The following ZNF704 variants were observed in gnomAD, a reference collection of about 807,000 sequenced individuals.
ZNF704 encodes the protein zinc finger protein 704.
A neutral mutation model predicts 44.7 loss-of-function variants in ZNF704; 10 were observed. That is an observed-to-expected ratio of 0.22 (90% CI 0.14 to 0.38). ZNF704 has a LOEUF of 0.38. Among genes scored for constraint, ZNF704 ranks in the 10% least tolerant of loss-of-function variants. The pLI, the probability that ZNF704 is intolerant of heterozygous loss-of-function variation, is 1.00. For synonymous variants in ZNF704, 211 were observed against 207.6 expected, an observed-to-expected ratio of 1.02 and a Z score of -0.14; for missense variants, 390 against 545.5, an observed-to-expected ratio of 0.71 and a Z score of 2.84.
chr8:80,763,432 A>G, intron 2 of ZNF704, among the ~76,000 whole-genome samples: 1 of 152,188 alleles, frequency 6.6e-6, no homozygotes, highest in East Asian at 1.9e-4. Flanking sequence ...GAAGCTGCCA[A>G]GGCTTGGGGC....
At chr8:80,864,949 G>T (rs368071976) in intron 1 of ZNF704, among the ~76,000 whole-genome samples, 1 of 152,134 alleles carries the variant, frequency 6.6e-6, no homozygotes, top group Non-Finnish European at 1.5e-5. Flanking sequence ...TAAGAGATAG[G>T]ATGTCTCTGT....
chr8:80,677,156 G>T (rs1818381740), intron 4 of ZNF704, among the ~76,000 whole-genome samples: 1 of 152,168 alleles, frequency 6.6e-6, no homozygotes, highest in Non-Finnish European at 1.5e-5. Context: ...GAATATAATA[G>T]TAATTATTGT....
At chr8:80,774,499 T>C (rs1459568870) in intron 2 of ZNF704, among the ~76,000 whole-genome samples, 1 of 152,096 alleles carries the variant, frequency 6.6e-6, no homozygotes, top group Non-Finnish European at 1.5e-5. Context: ...ACAGCTGAGG[T>C]GTGCAGCACT....
At chr8:80,644,468 T>C (rs1005448758) in intron 7 of ZNF704, among the ~76,000 whole-genome samples, 2 of 152,170 alleles carry the variant, frequency 1.3e-5, no homozygotes, top group Admixed American at 6.5e-5. Context: ...TTTTAGATTA[T>C]AAAAACTTCC....
rs1328979519 is a variant in ZNF704, at chr8:80,874,104, C to T, written c.-22+467G>A. ...CCGGAGAGTTTGTCACCTCCTCTTCCTCCTCTGCCTCCGCCGGTGGCCGCA... is the reference window on the plus strand; with the variant it reads ...CCGGAGAGTTTGTCACCTCCTCTTCTTCCTCTGCCTCCGCCGGTGGCCGCA... On this transcript the variant is annotated intron_variant, in intron 1 of 8. Transcript: ENST00000327835. The surrounding 1 kb of genome is among the most constrained non-coding windows in gnomAD (Gnocchi z 4.4). Among the ~76,000 whole-genome samples the T allele has an allele frequency of 6.8e-6, 1 of 147,014 alleles. No individual in the cohort carries two copies. Among genetic ancestry groups the T allele is most frequent in the African/African-American group, 2.4e-5 (1 of 40,942 alleles).
intron 2 of ZNF704, among the ~76,000 whole-genome samples, chr8:80,760,880 C>T (rs183604152): frequency 9.2e-5 from 14 of 152,012 alleles, no homozygotes; most frequent in Admixed American, 2.6e-4. Context: ...AGCAAGAGAG[C>T]GAGCAGGGAA....
In ZNF704 at chr8:80,631,816, A is replaced by ATAGCCAC. The variant is rs1817590999; in HGVS notation, c.*9543_*9549dup. 6.6e-6 allele frequency: 1 copy of ATAGCCAC among 152,256 alleles called. No homozygotes were observed. The highest frequency in any genetic ancestry group is 1.5e-5 in the Non-Finnish European group (1 of 68,062). The allele number at this position is 152,256 out of a possible 1,614,324, so 9.4% of individuals were successfully genotyped here. On this transcript the variant is annotated 3_prime_UTR_variant, in exon 9 of 9. Coordinates refer to ENST00000327835, the MANE Select transcript of ZNF704 (RefSeq NM_001033723.3). ...GGAATATTTCCCCCGAAGGGAGGGA[A>ATAGCCAC]TAGCCACACTGACTGAGCCTTACAT...
chr8:80,774,147 T>TCGATCTCC (rs1420152962), intron 2 of ZNF704, among the ~76,000 whole-genome samples: 4 of 151,908 alleles, frequency 2.6e-5, no homozygotes, highest in Non-Finnish European at 4.4e-5. Flanking sequence ...CCTCGATCTC[T>TCGATCTCC]CGATCTCCCA....
intron 2 of ZNF704, among the ~76,000 whole-genome samples, chr8:80,772,694 A>G (rs1440621302): frequency 6.6e-6 from 1 of 152,128 alleles, no homozygotes; most frequent in African/African-American, 2.4e-5. Context: ...GGGGACACAG[A>G]GCCAAATCCT....
At chr8:80,869,386 C>T (rs118110906) in intron 1 of ZNF704, among the ~76,000 whole-genome samples, 1,551 of 152,322 alleles carry the variant, frequency 0.01, 6 homozygotes, top group Non-Finnish European at 0.017. Context: ...TACTTCAAAT[C>T]TCCCTCACCC....
Position 80,817,879 on chromosome 8 carries a change from C to A in ZNF704, c.221+3495G>T, listed in dbSNP as rs1330293355. On this transcript the variant is annotated intron_variant, in intron 2 of 8. Coordinates refer to ENST00000327835, the MANE Select transcript of ZNF704 (RefSeq NM_001033723.3). ...CAGTCCTAATGGGAAGGGAGCAAATCAGGAACTGTTATTTAAAATTAGCTA... is the reference window on the plus strand; with the variant it reads ...CAGTCCTAATGGGAAGGGAGCAAATAAGGAACTGTTATTTAAAATTAGCTA... 2.0e-5 allele frequency among the ~76,000 whole-genome samples: 3 copies of A among 152,150 alleles called. No individual in the cohort carries two copies. In the South Asian group the frequency reaches 6.2e-4, roughly 32 times the overall value.
intron 4 of ZNF704, among the ~76,000 whole-genome samples, chr8:80,686,304 T>C (rs1165592592): frequency 6.6e-6 from 1 of 152,228 alleles, no homozygotes; most frequent in East Asian, 1.9e-4. Flanking sequence ...CATATAGGAC[T>C]GCTGGGAGGA....
chr8:80,715,375 T>A (rs1319441703), intron 2 of ZNF704, among the ~76,000 whole-genome samples: 1 of 152,244 alleles, frequency 6.6e-6, no homozygotes, highest in East Asian at 1.9e-4. Flanking sequence ...TCCACAAGCC[T>A]CAGAGCAGGT....
chr8:80,852,309 G>A (rs1472404627), intron 1 of ZNF704, among the ~76,000 whole-genome samples: 1 of 152,116 alleles, frequency 6.6e-6, no homozygotes. Context: ...TCATACTTAT[G>A]ATAAAAATAA....
At chr8:80,845,116 T>C (rs997561188) in intron 1 of ZNF704, among the ~76,000 whole-genome samples, 1 of 152,194 alleles carries the variant, frequency 6.6e-6, no homozygotes, top group Admixed American at 6.5e-5. Flanking sequence ...CACAAATTTT[T>C]AGCCTTTCAG....
chr8:80,664,698 C>T, intron 6 of ZNF704, 117 bp downstream of exon 6: 1 of 1,265,566 alleles, frequency 7.9e-7, no homozygotes, highest in Non-Finnish European at 1.1e-6. Context: ...ATCAAAGCTA[C>T]CGGGCTGCCG....
At chr8:80,797,000 G>GAAGCAAGCAAGC (rs778887111) in intron 2 of ZNF704, among the ~76,000 whole-genome samples, 6 of 148,178 alleles carry the variant, frequency 4.0e-5, no homozygotes, top group African/African-American at 1.5e-4. Context: ...AGGAAGGAAG[G>GAAGCAAGCAAGC]AAGCAAGCAA....
intron 3 of ZNF704, among the ~76,000 whole-genome samples, chr8:80,689,242 A>AT (rs1818591572): frequency 6.6e-6 from 1 of 152,238 alleles, no homozygotes; most frequent in Non-Finnish European, 1.5e-5. Context: ...GGGAGATTTC[A>AT]TAACTACCTT....
intron 1 of ZNF704, among the ~76,000 whole-genome samples, chr8:80,830,756 T>TC (rs202085612): frequency 8.0e-5 from 11 of 137,976 alleles, no homozygotes; most frequent in Admixed American, 2.1e-4. Flanking sequence ...TTTCTTTCTT[T>TC]TTTTTTTTTT....
Sources: gnomAD v4.1 joint callset for allele counts (sites outside exome capture counted in the v4.1 genomes callset) on GRCh38, gnomAD v4.1.1 for gene constraint, Gnocchi (gnomAD v3.1) non-coding constraint, MANE v1.5 for transcripts, NCBI Gene and HGNC (gene_info 2026-07-23, HGNC 2026-07-21) for gene names.